GRIP1: variants seen among roughly 807,000 people sequenced by gnomAD.
GRIP1 encodes the protein glutamate receptor interacting protein 1.
GRIP1 carries 45 observed loss-of-function variants against 129.9 expected under a neutral mutation model. That is an observed-to-expected ratio of 0.35 (90% CI 0.27 to 0.44). The LOEUF is 0.44. Among genes scored for constraint, GRIP1 ranks in the 20% least tolerant of loss-of-function variants. The pLI, the probability that GRIP1 is intolerant of heterozygous loss-of-function variation, is 1.00. For missense variants in GRIP1, 1,196 were observed against 1,396.8 expected, an observed-to-expected ratio of 0.86 and a Z score of 2.29; for synonymous variants, 530 against 520.8, an observed-to-expected ratio of 1.02 and a Z score of -0.24.
intron 1 of GRIP1, among the ~76,000 whole-genome samples, chr12:66,703,222 A>G (rs2136361700): frequency 6.6e-6 from 1 of 152,238 alleles, no homozygotes; most frequent in African/African-American, 2.4e-5. Flanking sequence ...CTTGCAGTGT[A>G]TGTGTGTATG....
chr12:66,649,524 AG>A (rs2032633228), intron 1 of GRIP1, among the ~76,000 whole-genome samples: 1 of 152,264 alleles, frequency 6.6e-6, no homozygotes, highest in African/African-American at 2.4e-5. Flanking sequence ...AGGGATACAA[AG>A]ATGGGCTAGG....
At chr12:67,007,783 C>T (rs1475324779) in intron 1 of GRIP1, among the ~76,000 whole-genome samples, 1 of 152,120 alleles carries the variant, frequency 6.6e-6, no homozygotes, top group African/African-American at 2.4e-5. Context: ...TTTTCTTGCA[C>T]AATCGATGCC....
intron 1 of GRIP1, among the ~76,000 whole-genome samples, chr12:66,987,836 T>A (rs1427683305): frequency 2.6e-5 from 4 of 152,298 alleles, no homozygotes; most frequent in South Asian, 2.1e-4. Flanking sequence ...GTCACTCTTA[T>A]CAACCAATGC....
chr12:67,069,131 T>C (rs2043690555), exon 1 of GRIP1: 8 of 984,678 alleles, frequency 8.1e-6, no homozygotes, highest in Non-Finnish European at 9.6e-6. Flanking sequence ...GCGCTCGCTG[T>C]CGGGCTCGCT....
At chr12:66,881,271 C>A (rs2040474398) in intron 1 of GRIP1, among the ~76,000 whole-genome samples, 1 of 151,350 alleles carries the variant, frequency 6.6e-6, no homozygotes, top group Admixed American at 6.6e-5. Context: ...ACGCTAATAC[C>A]AGAGGTCAGT....
Position 66,392,503 on chromosome 12 carries a change from CT to C in GRIP1, c.2270-2del, listed in dbSNP as rs1469891946. ...TTCTTGGGGCTCGATGCTGACTGGGCTTTATAGACAGGAAAGGAGTTTAAGT... is the reference window on the plus strand; with the variant it reads ...TTCTTGGGGCTCGATGCTGACTGGGCTTATAGACAGGAAAGGAGTTTAAGT... On this transcript the variant is annotated splice_acceptor_variant, in intron 18 of 24. Transcript: ENST00000359742. LOFTEE classifies it high-confidence loss of function. 1 of 1,613,496 alleles carries C rather than the reference CT, an allele frequency of 6.2e-7. No homozygotes were observed.
rs557638072 is a variant in GRIP1, at chr12:66,674,107, G to C, written c.55+4743C>G. Among the ~76,000 whole-genome samples the C allele has an allele frequency of 5.9e-5, 9 of 152,252 alleles. No homozygotes were observed. In the South Asian group the frequency reaches 1.9e-3, roughly 32 times the overall value. On this transcript the variant is annotated intron_variant, in intron 1 of 24. Coordinates refer to ENST00000359742, the MANE Select transcript of GRIP1 (RefSeq NM_001366722.1). ...GGATCTGACAGAGAAGGCCAGCGAG[G>C]GTTAGCAGAATGGATGAGGATGGGG...
chr12:66,636,189 G>A (rs1001980838), intron 1 of GRIP1, among the ~76,000 whole-genome samples: 3 of 152,258 alleles, frequency 2.0e-5, no homozygotes, highest in South Asian at 2.1e-4. Flanking sequence ...CCATTTCTAT[G>A]AGGCATCCAG....
chr12:66,873,423 T>C (rs573753930), intron 1 of GRIP1, among the ~76,000 whole-genome samples: 1 of 152,200 alleles, frequency 6.6e-6, no homozygotes, highest in South Asian at 2.1e-4. Flanking sequence ...CAAATGTTCA[T>C]CCTAAAGATG....
intron 1 of GRIP1, among the ~76,000 whole-genome samples, chr12:66,961,656 T>C (rs954292829): frequency 1.3e-5 from 2 of 152,144 alleles, no homozygotes; most frequent in Non-Finnish European, 2.9e-5. Flanking sequence ...GGGAATACCC[T>C]TGGCCCCAAT....
chr12:66,685,175 T>C (rs2034735393), intron 1 of GRIP1, among the ~76,000 whole-genome samples: 1 of 152,196 alleles, frequency 6.6e-6, no homozygotes, highest in Non-Finnish European at 1.5e-5. Flanking sequence ...GCACTGAGGT[T>C]CTGGGCCCCA....
chr12:66,424,962 A>G (rs1001874498), intron 14 of GRIP1, among the ~76,000 whole-genome samples: 1 of 151,536 alleles, frequency 6.6e-6, no homozygotes, highest in Admixed American at 6.6e-5. Flanking sequence ...TCTCTCTTGC[A>G]TCCTTAGATC....
intron 1 of GRIP1, among the ~76,000 whole-genome samples, chr12:66,833,442 A>C (rs570897392): frequency 6.6e-5 from 10 of 152,178 alleles, no homozygotes; most frequent in African/African-American, 2.2e-4. Context: ...ATTCTGCTCC[A>C]TTTCTCTTAT....
intron 1 of GRIP1, among the ~76,000 whole-genome samples, chr12:66,965,635 G>C (rs1264536501): frequency 6.7e-6 from 1 of 148,442 alleles, no homozygotes; most frequent in Non-Finnish European, 1.5e-5. Context: ...GGATTTTCAA[G>C]GTTCATTTTG....
chr12:67,069,308 GGGCGGC>G (rs71088240), upstream of GRIP1: 108,627 of 140,780 alleles, frequency 0.77, 43,651 homozygotes, highest in South Asian at 0.89. Flanking sequence ...CGGCGGCTCC[GGGCGGC>G]GGCGGCGGCG....
chr12:66,923,751 T>C (rs2137371625), intron 1 of GRIP1, among the ~76,000 whole-genome samples: 1 of 152,322 alleles, frequency 6.6e-6, no homozygotes, highest in Non-Finnish European at 1.5e-5. Context: ...TCCCTTACCC[T>C]AAGTTTCAAT....
chr12:66,873,272 G>C (rs565343629), intron 1 of GRIP1, among the ~76,000 whole-genome samples: 1 of 152,142 alleles, frequency 6.6e-6, no homozygotes, highest in Non-Finnish European at 1.5e-5. Context: ...AATTCAAAAG[G>C]AAAGGAATTA....
At chr12:66,858,621 T>C (rs1174578758) in intron 1 of GRIP1, among the ~76,000 whole-genome samples, 2 of 152,060 alleles carry the variant, frequency 1.3e-5, no homozygotes, top group East Asian at 1.9e-4. Flanking sequence ...GAGTCCACTT[T>C]TGAAAGTGTG....
At chr12:66,724,935 A>G (rs745549431) in intron 1 of GRIP1, among the ~76,000 whole-genome samples, 1 of 152,180 alleles carries the variant, frequency 6.6e-6, no homozygotes, top group Non-Finnish European at 1.5e-5. Flanking sequence ...TGGACACCCA[A>G]ATGAAAAGCC....
Sources: allele counts gnomAD v4.1 joint callset (sites outside exome capture counted in the v4.1 genomes callset), GRCh38; gene constraint gnomAD v4.1.1; transcripts MANE v1.5; gene names NCBI Gene and HGNC (gene_info 2026-07-23, HGNC 2026-07-21).